FARS2: variants seen among roughly 807,000 people sequenced by gnomAD.
FARS2 encodes the protein phenylalanine--tRNA ligase, mitochondrial.
FARS2 carries 40 observed loss-of-function variants against 46.4 expected under a neutral mutation model. The observed-to-expected ratio is 0.86, with a 90% confidence interval of 0.67 to 1.12. FARS2 has a LOEUF of 1.12. FARS2 is among the 50% of genes most tolerant of loss of function. The pLI is 0.00. For missense variants in FARS2, 513 were observed against 567.9 expected, an observed-to-expected ratio of 0.90 and a Z score of 0.98; for synonymous variants, 234 against 214.9, an observed-to-expected ratio of 1.09 and a Z score of -0.78.
intron 6 of FARS2, among the ~76,000 whole-genome samples, chr6:5,677,499 C>T (rs1044941477): frequency 6.6e-6 from 1 of 152,228 alleles, no homozygotes; most frequent in African/African-American, 2.4e-5. Flanking sequence ...AAGTGTTCTG[C>T]TCCAAATACT....
chr6:5,341,235 A>ATATATTTT lies in FARS2; in HGVS notation c.-21-27314_-21-27313insATATTTTT, dbSNP rs1561970178. Reference sequence around the variant, plus strand: ...TATATATATATATATATATATATATATTTTTTTTTTTTTTTTTTTTTTCCC... The same window carrying ATATATTTT: ...TATATATATATATATATATATATATATATATTTTTTTTTTTTTTTTTTTTTTTTTTCCC... On this transcript the variant is annotated intron_variant, in intron 1 of 6. Transcript: ENST00000274680. Among the ~76,000 whole-genome samples, 7 of 10,274 alleles carry ATATATTTT rather than the reference A, an allele frequency of 6.8e-4. 1 individual carries two copies. The highest frequency in any genetic ancestry group is 4.6e-3 in the Admixed American group (2 of 436). 6.7% of individuals were successfully genotyped at this position (10,274 alleles called of 152,430 possible). A position where few individuals can be genotyped will look rare whatever the true frequency, so the allele number is the denominator to read the frequency against.
chr6:5,702,025 G>A (rs916565417), intron 6 of FARS2, among the ~76,000 whole-genome samples: 2 of 152,150 alleles, frequency 1.3e-5, no homozygotes, highest in Non-Finnish European at 2.9e-5. Context: ...ATTTATGTTG[G>A]CTATTTTTTA....
chr6:5,686,087 T>G lies in FARS2; in HGVS notation c.1217+72767T>G, dbSNP rs945575908. On this transcript the variant is annotated intron_variant, in intron 6 of 6. Transcript: ENST00000274680. ...CTGGTGGATGATGAGATTTCATCTG[T>G]TTCCCCTGCATTTCTTAGCACAGTG... Among the ~76,000 whole-genome samples the G allele has an allele frequency of 6.6e-5, 10 of 152,192 alleles. No homozygotes were observed. In the East Asian group the frequency reaches 9.6e-4, roughly 15 times the overall value.
intron 4 of FARS2, among the ~76,000 whole-genome samples, chr6:5,508,492 G>A (rs2150396832): frequency 6.8e-6 from 1 of 146,934 alleles, no homozygotes; most frequent in African/African-American, 2.6e-5. Flanking sequence ...GGGAATCTGT[G>A]AATTAGCAGG....
chr6:5,416,910 A>C (rs6904616), intron 3 of FARS2, among the ~76,000 whole-genome samples: 11,742 of 152,282 alleles, frequency 0.077, 519 homozygotes, highest in East Asian at 0.11. Context: ...TTGTGCCGTC[A>C]CATATTTTAA....
At chr6:5,264,399 G>C (rs144527014) in intron 1 of FARS2, among the ~76,000 whole-genome samples, 3 of 152,070 alleles carry the variant, frequency 2.0e-5, no homozygotes, top group African/African-American at 7.2e-5. Context: ...TTGTACAGAT[G>C]AACAAACTGA....
chr6:5,311,407 C>CGT lies in FARS2; in HGVS notation c.-22+49760_-22+49761dup, dbSNP rs900324578. Among the ~76,000 whole-genome samples the CGT allele has an allele frequency of 1.1e-4, 16 of 151,618 alleles. No individual in the cohort carries two copies. The highest frequency in any genetic ancestry group is 1.9e-4 in the East Asian group (1 of 5,182). ...ACAGAAGGGGGTCCTATTTCAGTCACGTGTGTGTGTGTGTACATTTGGCAT... is the reference window on the plus strand; with the variant it reads ...ACAGAAGGGGGTCCTATTTCAGTCACGTGTGTGTGTGTGTGTACATTTGGCAT... On this transcript the variant is annotated intron_variant, in intron 1 of 6. Coordinates refer to ENST00000274680, the MANE Select transcript of FARS2 (RefSeq NM_006567.5). This position sits in a 1 kb window ranked among gnomAD's most constrained non-coding sequence, Gnocchi z 4.1.
At chr6:5,653,989 T>C (rs150392190) in intron 6 of FARS2, among the ~76,000 whole-genome samples, 401 of 152,280 alleles carry the variant, frequency 2.6e-3, no homozygotes, top group African/African-American at 9.2e-3. Context: ...GGAGTTTGGC[T>C]GGCATGGGTG....
intron 4 of FARS2, among the ~76,000 whole-genome samples, chr6:5,440,439 G>A (rs890286972): frequency 6.6e-6 from 1 of 152,146 alleles, no homozygotes; most frequent in Non-Finnish European, 1.5e-5. Context: ...ATGGGTTGTT[G>A]ACAATAACAT....
chr6:5,519,071 A>G (rs1768977830), intron 4 of FARS2, among the ~76,000 whole-genome samples: 1 of 152,248 alleles, frequency 6.6e-6, no homozygotes, highest in Non-Finnish European at 1.5e-5. Context: ...GGTGTATAAC[A>G]TACAGAATTC....
intron 6 of FARS2, among the ~76,000 whole-genome samples, chr6:5,692,055 G>A (rs922166514): frequency 4.6e-5 from 7 of 152,188 alleles, no homozygotes; most frequent in African/African-American, 1.4e-4. Flanking sequence ...TATTAGGGTG[G>A]GAGTGACCCG....
chr6:5,549,316 T>C (rs1243286139), intron 5 of FARS2, among the ~76,000 whole-genome samples: 2 of 152,218 alleles, frequency 1.3e-5, no homozygotes, highest in Non-Finnish European at 2.9e-5. Context: ...TTTCTCCTAA[T>C]GTTATCCCTC....
At chr6:5,260,758 G>A (rs1434223246), upstream of FARS2, 10 of 1,540,092 alleles carry the variant, frequency 6.5e-6, no homozygotes, top group Non-Finnish European at 8.7e-6. Flanking sequence ...AAAATAAACG[G>A]GTCCTCTTCG....
chr6:5,363,192 C>G (rs1000654883), intron 1 of FARS2, among the ~76,000 whole-genome samples: 1 of 152,026 alleles, frequency 6.6e-6, no homozygotes, highest in Non-Finnish European at 1.5e-5. Context: ...TCCCAAAGTG[C>G]TGGGATTACA....
intron 6 of FARS2, among the ~76,000 whole-genome samples, chr6:5,641,377 A>G (rs967290418): frequency 6.6e-6 from 1 of 151,886 alleles, no homozygotes; most frequent in African/African-American, 2.4e-5. Context: ...GCTCACTGCA[A>G]CCTCCACCCC....
chr6:5,740,997 A>G (rs1761296087), intron 6 of FARS2, among the ~76,000 whole-genome samples: 1 of 152,098 alleles, frequency 6.6e-6, no homozygotes. Flanking sequence ...TGACTGCCAC[A>G]CTGTTCAAAC....
At chr6:5,417,312 G>A (rs375740527) in intron 3 of FARS2, among the ~76,000 whole-genome samples, 216 of 152,168 alleles carry the variant, frequency 1.4e-3, no homozygotes, top group African/African-American at 5.0e-3. Context: ...CAAGTCCTGG[G>A]CTCAAAGGAT....
At chr6:5,405,620 G>A (rs544651194) in intron 3 of FARS2, among the ~76,000 whole-genome samples, 2 of 151,464 alleles carry the variant, frequency 1.3e-5, no homozygotes, top group South Asian at 2.1e-4. Flanking sequence ...AGCCTCCTGA[G>A]TAGCTGGGAT....
intron 3 of FARS2, among the ~76,000 whole-genome samples, chr6:5,407,907 C>G (rs1404226197): frequency 6.6e-6 from 1 of 152,106 alleles, no homozygotes; most frequent in Non-Finnish European, 1.5e-5. Context: ...ATTTTAGAGG[C>G]AGGGTGAGGT....
Sources: gnomAD v4.1 joint callset for allele counts (sites outside exome capture counted in the v4.1 genomes callset) on GRCh38, gnomAD v4.1.1 for gene constraint, Gnocchi (gnomAD v3.1) non-coding constraint, MANE v1.5 for transcripts, NCBI Gene and HGNC (gene_info 2026-07-23, HGNC 2026-07-21) for gene names.